JDP2: variants seen among roughly 807,000 people sequenced by gnomAD.
JDP2 encodes Jun dimerization protein 2.
In JDP2, 9 loss-of-function variants were observed where a neutral mutation model predicts 17.1. The observed-to-expected ratio is 0.53, with a 90% CI of 0.32 to 0.92. The LOEUF (loss-of-function observed/expected upper bound fraction) is 0.92. Among genes scored for constraint, JDP2 ranks in the 40% least tolerant of loss-of-function variants. The pLI, the probability that JDP2 is intolerant of heterozygous loss-of-function variation, is 0.04. For missense variants in JDP2, 179 were observed against 220.0 expected (o/e 0.81, Z 1.18); for synonymous variants, 107 against 95.6 (o/e 1.12, Z -0.69).
rs545679523 is a variant in JDP2 at position 75,428,877 on chromosome 14, C to G, written c.-24+625C>G. 7.9e-5 allele frequency among the ~76,000 whole-genome samples: 12 copies of G among 152,236 alleles called. No individual in the cohort carries two copies. The East Asian group carries it at 2.3e-3, about 29-fold the overall frequency. ...AGGGGATCTAGGGGTGGCCGGGGTCCCCTTTGGGCTCTCCTGTCTCCCACG... is the reference window on the plus strand; with the variant it reads ...AGGGGATCTAGGGGTGGCCGGGGTCGCCTTTGGGCTCTCCTGTCTCCCACG... On this transcript the variant is annotated intron_variant, in intron 1 of 3. Transcript: ENST00000651602. This position sits in a 1 kb window ranked among gnomAD's most constrained non-coding sequence, Gnocchi z 5.6.
intron 2 of JDP2, among the ~76,000 whole-genome samples, chr14:75,444,030 G>GT (rs980424843): frequency 1.3e-5 from 2 of 152,032 alleles, no homozygotes; most frequent in Admixed American, 6.6e-5. Flanking sequence ...AGCCTCCTGA[G>GT]TAGCTGGGAC....
At chr14:75,439,908 A>C (rs1209144040) in intron 2 of JDP2, among the ~76,000 whole-genome samples, 1 of 152,192 alleles carries the variant, frequency 6.6e-6, no homozygotes, top group African/African-American at 2.4e-5. Context: ...AAGGCTGCGC[A>C]TGGGGTTGAT....
At chr14:75,467,828 A>C (rs1411880293) in intron 3 of JDP2, among the ~76,000 whole-genome samples, 2 of 151,642 alleles carry the variant, frequency 1.3e-5, no homozygotes, top group African/African-American at 4.9e-5. Flanking sequence ...GGAACCAAAA[A>C]CCACCAGAGC....
Position 75,437,956 on chromosome 14 carries a change from C to T in JDP2, c.36C>T (p.Thr12=), listed in dbSNP as rs558658689. 3.2e-5 allele frequency: 52 copies of T among 1,613,008 alleles called. No individual in the cohort carries two copies. The highest frequency in any genetic ancestry group is 3.6e-5 in the Non-Finnish European group (42 of 1,179,696). ...MPGQIPDPSV[T]TGSLPGLGPL... ...GGCAGATCCCGGACCCTTCGGTGAC[C>T]ACAGGCTCCCTGCCAGGGCTTGGCC... Residue 12 remains threonine, a synonymous_variant, in exon 2 of 4, where the codon ACC becomes ACT. Transcript: ENST00000651602.
At position 75,434,797 on chromosome 14, in the gene JDP2, T is replaced by C. The variant is rs138535955; in HGVS notation, c.-23-3101T>C. On this transcript the variant is annotated intron_variant, in intron 1 of 3. Coordinates refer to ENST00000651602, the MANE Select transcript of JDP2 (RefSeq NM_001135048.2). The stretch of plus-strand genomic sequence containing the variant: ...TTTTTCTTGGGGTCTACTGTGGGAA[T>C]GAATAACTTGGAGGTGAAATTACAG... 5.9e-5 allele frequency among the ~76,000 whole-genome samples: 9 copies of C among 152,252 alleles called. No individual in the cohort carries two copies. The East Asian group carries it at 1.5e-3, about 26-fold the overall frequency.
chr14:75,448,851 A>G (rs1423889116), intron 2 of JDP2, among the ~76,000 whole-genome samples: 1 of 152,164 alleles, frequency 6.6e-6, no homozygotes, highest in East Asian at 1.9e-4. Flanking sequence ...GATCCACTCC[A>G]TAGCCCTGGC....
intron 2 of JDP2, among the ~76,000 whole-genome samples, chr14:75,441,133 G>C (rs1043186554): frequency 1.3e-5 from 2 of 151,538 alleles, no homozygotes; most frequent in Non-Finnish European, 2.9e-5. Context: ...GAGAGAGAGA[G>C]GGAGAGAGAG....
intron 2 of JDP2, among the ~76,000 whole-genome samples, chr14:75,440,655 G>A (rs867719498): frequency 6.6e-6 from 1 of 152,206 alleles, no homozygotes; most frequent in African/African-American, 2.4e-5. Context: ...TAGGGAGGGG[G>A]TTCAGTCACT....
intron 2 of JDP2, among the ~76,000 whole-genome samples, chr14:75,444,755 G>T (rs547965946): frequency 6.6e-6 from 1 of 152,328 alleles, no homozygotes; most frequent in East Asian, 1.9e-4. Flanking sequence ...GTTAGAGACT[G>T]ATTCCATGTG....
chr14:75,436,219 C>G (rs533170284), intron 1 of JDP2, among the ~76,000 whole-genome samples: 1 of 151,152 alleles, frequency 6.6e-6, no homozygotes, highest in South Asian at 2.1e-4. Context: ...CTGGAATGAT[C>G]TAGACCTGGG....
At chr14:75,450,887 AG>A (rs1192540403) in intron 2 of JDP2, among the ~76,000 whole-genome samples, 1 of 152,238 alleles carries the variant, frequency 6.6e-6, no homozygotes, top group Non-Finnish European at 1.5e-5. Context: ...GGATACGCTC[AG>A]AGCAGAGGGA....
chr14:75,437,690 A>C (rs570889507), intron 1 of JDP2, among the ~76,000 whole-genome samples: 1 of 152,386 alleles, frequency 6.6e-6, no homozygotes, highest in East Asian at 1.9e-4. Context: ...CACTTCTGGC[A>C]GTGCCAAGGG....
At chr14:75,446,988 C>CT (rs1223210391) in intron 2 of JDP2, among the ~76,000 whole-genome samples, 2 of 152,080 alleles carry the variant, frequency 1.3e-5, no homozygotes, top group Non-Finnish European at 2.9e-5. Flanking sequence ...GTGAAGAAGC[C>CT]TTTTTTCCTT....
intron 3 of JDP2, among the ~76,000 whole-genome samples, chr14:75,467,754 G>A (rs999338177): frequency 6.6e-6 from 1 of 152,140 alleles, no homozygotes; most frequent in Non-Finnish European, 1.5e-5. Flanking sequence ...CCTCCGAGAT[G>A]CGCCTCTCTT....
At chr14:75,447,998 T>C (rs1885683255) in intron 2 of JDP2, among the ~76,000 whole-genome samples, 1 of 152,114 alleles carries the variant, frequency 6.6e-6, no homozygotes, top group Non-Finnish European at 1.5e-5. Context: ...CATTTGTAAC[T>C]AACTACTAAA....
Position 75,428,285 on chromosome 14 carries a change from G to A in JDP2, c.-24+33G>A, listed in dbSNP as rs1884623423. ...CGAGGGCGCGCGCTGGGGGCGCCGG[G>A]ACGGGCGGGGCGGGGCAGGGCGCGG... On this transcript the variant is annotated intron_variant, in intron 1 of 3. Transcript: ENST00000651602. The surrounding 1 kb of genome is among the most constrained non-coding windows in gnomAD (Gnocchi z 5.6). 6.8e-6 allele frequency: 1 copy of A among 146,856 alleles called. No homozygotes were observed. The highest frequency in any genetic ancestry group is 1.5e-5 in the Non-Finnish European group (1 of 65,956). The allele number at this position is 146,856 out of a possible 1,614,324, so 9.1% of individuals were successfully genotyped here. A position where few individuals can be genotyped will look rare whatever the true frequency, so the allele number is the denominator to read the frequency against.
intron 1 of JDP2, among the ~76,000 whole-genome samples, chr14:75,431,743 C>T (rs965859432): frequency 2.0e-5 from 3 of 152,174 alleles, no homozygotes; most frequent in African/African-American, 4.8e-5. Context: ...AGTGGGAGAG[C>T]GGAGAATCCT....
At chr14:75,433,781 G>T (rs1054895658) in intron 1 of JDP2, among the ~76,000 whole-genome samples, 1 of 152,034 alleles carries the variant, frequency 6.6e-6, no homozygotes, top group Non-Finnish European at 1.5e-5. Flanking sequence ...TTCCTGGTCA[G>T]TGTCCCGCAT....
At chr14:75,431,165 T>C (rs1322302988) in intron 1 of JDP2, among the ~76,000 whole-genome samples, 15 of 152,244 alleles carry the variant, frequency 9.9e-5, no homozygotes, top group African/African-American at 3.1e-4. Context: ...AATAGAAAGC[T>C]TGTCCAATGG....
Sources: allele counts gnomAD v4.1 joint callset (sites outside exome capture counted in the v4.1 genomes callset), GRCh38; gene constraint gnomAD v4.1.1; non-coding constraint Gnocchi (gnomAD v3.1); transcripts MANE v1.5; gene names NCBI Gene and HGNC (gene_info 2026-07-23, HGNC 2026-07-21).